FER1L6: variants seen among roughly 807,000 people sequenced by gnomAD.
The protein encoded by FER1L6 is fer-1 like family member 6.
In FER1L6, 177 loss-of-function variants were observed where a neutral mutation model predicts 219.2. The ratio of observed to expected loss-of-function variants is 0.81; its 90% CI spans 0.71 to 0.91. The LOEUF is 0.91. Among genes scored for constraint, FER1L6 ranks in the 40% least tolerant of loss-of-function variants. The probability of loss-of-function intolerance (pLI) is 0.00; values close to 1 mark genes in which losing one functional copy is unlikely to be tolerated. For synonymous variants in FER1L6, 768 were observed against 824.3 expected (o/e 0.93, Z 1.17); for missense variants, 2,153 against 2,259.9 (o/e 0.95, Z 0.96).
At chr8:123,858,572 G>T (rs1563664392) in intron 1 of FER1L6, among the ~76,000 whole-genome samples, 1 of 152,230 alleles carries the variant, frequency 6.6e-6, no homozygotes, top group Non-Finnish European at 1.5e-5. Context: ...AAGAGAGAAA[G>T]GAAGTGGAAG....
At chr8:123,922,398 A>G (rs1813392489) in intron 1 of FER1L6, among the ~76,000 whole-genome samples, 1 of 152,246 alleles carries the variant, frequency 6.6e-6, no homozygotes, top group Non-Finnish European at 1.5e-5. Flanking sequence ...GACTGAGGAA[A>G]GAATCCTCAG....
At chr8:124,079,181 T>C (rs890009688) in intron 32 of FER1L6, among the ~76,000 whole-genome samples, 1 of 152,224 alleles carries the variant, frequency 6.6e-6, no homozygotes, top group Non-Finnish European at 1.5e-5. Flanking sequence ...ACCAGTCATA[T>C]TGCATTACAG....
intron 1 of FER1L6, among the ~76,000 whole-genome samples, chr8:123,874,763 C>T (rs960142891): frequency 6.6e-6 from 1 of 152,232 alleles, no homozygotes; most frequent in Non-Finnish European, 1.5e-5. Context: ...GGTTTACCTT[C>T]TCTCTCCTGA....
In FER1L6 at chr8:124,026,571, A is replaced by G. The variant is rs961047929; in HGVS notation, c.2286+2975A>G. On this transcript the variant is annotated intron_variant, in intron 18 of 40. Transcript: ENST00000522917. ...ACATTACAGGGAAATAGTTTCCTAA[A>G]TGGAAGTCCATAATGCATTCCTCAT... 1.2e-4 allele frequency among the ~76,000 whole-genome samples: 18 copies of G among 152,310 alleles called. No individual in the cohort carries two copies. In the East Asian group the frequency reaches 1.9e-3, roughly 16 times the overall value.
At chr8:124,007,561 T>A (rs1481993027) in intron 13 of FER1L6, among the ~76,000 whole-genome samples, 1 of 152,220 alleles carries the variant, frequency 6.6e-6, no homozygotes, top group Non-Finnish European at 1.5e-5. Context: ...ATAAATTAAC[T>A]GCTGCTTTTC....
chr8:123,998,718 T>A (rs1817262764), intron 12 of FER1L6, among the ~76,000 whole-genome samples: 1 of 152,094 alleles, frequency 6.6e-6, no homozygotes, highest in South Asian at 2.1e-4. Context: ...ATCTAAAACC[T>A]TAGAAATCTA....
intron 1 of FER1L6, among the ~76,000 whole-genome samples, chr8:123,864,452 G>A (rs1234290320): frequency 1.3e-5 from 2 of 150,676 alleles, no homozygotes; most frequent in African/African-American, 5.0e-5. Context: ...TGACAATTAT[G>A]TGTCTTGGAA....
In FER1L6 at chr8:123,989,140, A is replaced by C. The variant is rs1193787360; in HGVS notation, c.1519+2964A>C. The stretch of plus-strand genomic sequence containing the variant: ...TGATGTATCATATTGATTTGCGTAC[A>C]TTGAACTATCTTTGCATCCTTGGTA... On this transcript the variant is annotated intron_variant, in intron 12 of 40. Coordinates refer to ENST00000522917, the MANE Select transcript of FER1L6 (RefSeq NM_001039112.2). Among the ~76,000 whole-genome samples the C allele has an allele frequency of 2.6e-5, 4 of 152,156 alleles. No homozygotes were observed. In the East Asian group the frequency reaches 7.7e-4, roughly 29 times the overall value.
At chr8:123,919,135 G>C (rs1468834246) in intron 1 of FER1L6, among the ~76,000 whole-genome samples, 1 of 152,154 alleles carries the variant, frequency 6.6e-6, no homozygotes, top group Non-Finnish European at 1.5e-5. Context: ...AAGGAAGGGA[G>C]GGGGCCCCCA....
At chr8:124,109,992 A>G (rs1346667482) in intron 39 of FER1L6, among the ~76,000 whole-genome samples, 1 of 152,182 alleles carries the variant, frequency 6.6e-6, no homozygotes, top group African/African-American at 2.4e-5. Context: ...AAACCATCAG[A>G]GCTTGGGCAA....
At chr8:124,052,906 C>T (rs1820116954) in intron 22 of FER1L6, among the ~76,000 whole-genome samples, 1 of 152,080 alleles carries the variant, frequency 6.6e-6, no homozygotes, top group Non-Finnish European at 1.5e-5. Context: ...TCAAGTAGTA[C>T]TTGTTTTACC....
chr8:123,956,156 C>A, intron 2 of FER1L6, 82 bp downstream of exon 2: 1 of 1,241,282 alleles, frequency 8.1e-7, no homozygotes, highest in East Asian at 2.4e-5. Context: ...ATGCAGTTCT[C>A]TCTCAATGGG....
Position 124,076,300 on chromosome 8 carries a change from AAAC to A in FER1L6, c.4199_4201del (p.Gln1400del). 1 of 1,613,766 alleles carries A rather than the reference AAAC, an allele frequency of 6.2e-7. No individual in the cohort carries two copies. The highest frequency in any genetic ancestry group is 8.5e-7 in the Non-Finnish European group (1 of 1,179,632). ...CAAAGACCGGGATAAATACATCCCTAAACAACTGAACCCAGTATTTGGAAGGTC... is the reference window on the plus strand; with the variant it reads ...CAAAGACCGGGATAAATACATCCCTAAACTGAACCCAGTATTTGGAAGGTC... On this transcript the variant is annotated inframe_deletion, in exon 32 of 41. Transcript: ENST00000522917.
intron 1 of FER1L6, among the ~76,000 whole-genome samples, chr8:123,861,300 G>A (rs1471155474): frequency 6.0e-5 from 8 of 133,136 alleles, no homozygotes; most frequent in East Asian, 2.3e-4. Context: ...GTAGGTATGC[G>A]GCGTTATTTC....
chr8:123,963,681 C>T (rs573265031), intron 3 of FER1L6, among the ~76,000 whole-genome samples: 4 of 152,338 alleles, frequency 2.6e-5, no homozygotes, highest in African/African-American at 9.6e-5. Flanking sequence ...TCAGGAATGA[C>T]AGCAGGAGCT....
intron 1 of FER1L6, among the ~76,000 whole-genome samples, chr8:123,856,105 CAT>C (rs1422802131): frequency 1.3e-5 from 1 of 74,684 alleles, no homozygotes; most frequent in Non-Finnish European, 2.6e-5. Context: ...TATGTATATA[CAT>C]ATGTGTATGA....
At chr8:123,867,051 A>C (rs1204307562) in intron 1 of FER1L6, among the ~76,000 whole-genome samples, 1 of 152,212 alleles carries the variant, frequency 6.6e-6, no homozygotes, top group Non-Finnish European at 1.5e-5. Flanking sequence ...TTTGCAGTGC[A>C]GAAGATGTTT....
intron 25 of FER1L6, among the ~76,000 whole-genome samples, chr8:124,063,363 C>T (rs1174560531): frequency 7.9e-5 from 12 of 152,156 alleles, no homozygotes; most frequent in Non-Finnish European, 1.6e-4. Flanking sequence ...TTAAGGAACG[C>T]TTTCTCACCC....
Position 123,968,793 on chromosome 8 carries a change from C to T in FER1L6, c.385-1242C>T, listed in dbSNP as rs527619644. Among the ~76,000 whole-genome samples, 33 of 152,282 alleles carry T rather than the reference C, an allele frequency of 2.2e-4. No homozygotes were observed. In the East Asian group the frequency reaches 5.2e-3, roughly 24 times the overall value. On this transcript the variant is annotated intron_variant, in intron 5 of 40. Transcript: ENST00000522917. ...TCTTATAATGTATGATGACATTTTT[C>T]GGTTCCCACATTTTGCTTTTTCTGT...
Sources: gnomAD v4.1 joint callset for allele counts (sites outside exome capture counted in the v4.1 genomes callset) on GRCh38, gnomAD v4.1.1 for gene constraint, MANE v1.5 for transcripts, NCBI Gene and HGNC (gene_info 2026-07-23, HGNC 2026-07-21) for gene names.